Variants in WBP1L observed in about 807,000 individuals in gnomAD.
WBP1L encodes the protein WW domain binding protein 1 like, also known as WW domain binding protein 1-like.
A neutral mutation model predicts 33.7 loss-of-function variants in WBP1L; 17 were observed. That is an observed-to-expected ratio of 0.50 (90% CI 0.34 to 0.76). WBP1L has a LOEUF of 0.76. WBP1L is among the 30% of genes least tolerant of loss of function. The pLI is 0.01. For synonymous variants in WBP1L, 173 were observed against 190.8 expected (o/e 0.91, Z 0.77); for missense variants, 389 against 469.4 (o/e 0.83, Z 1.58).
intron 1 of WBP1L, among the ~76,000 whole-genome samples, chr10:102,787,341 A>G (rs1056858959): frequency 3.3e-5 from 5 of 152,168 alleles, no homozygotes; most frequent in Non-Finnish European, 7.4e-5. Flanking sequence ...AAATCCCAGC[A>G]CTGTTGGAGG....
At chr10:102,779,525 C>T (rs911430420) in intron 1 of WBP1L, among the ~76,000 whole-genome samples, 1 of 152,006 alleles carries the variant, frequency 6.6e-6, no homozygotes, top group Non-Finnish European at 1.5e-5. Flanking sequence ...TGATCTCAAA[C>T]TCCTGACCTC....
Position 102,787,149 on chromosome 10 carries a change from G to C in WBP1L, c.91-10844G>C, listed in dbSNP as rs535042661. Among the ~76,000 whole-genome samples, 137 of 152,338 alleles carry C rather than the reference G, an allele frequency of 9.0e-4. 1 individual carries two copies. The highest frequency in any genetic ancestry group is 3.2e-3 in the African/African-American group (131 of 41,578). ...CCATTGCATGCAAGACAAAGTCTTG[G>C]TTAACTTCTTAGCAGTGGCTTGCCC... is the stretch of plus-strand genomic sequence containing the variant. On this transcript the variant is annotated intron_variant, in intron 1 of 3. Coordinates refer to ENST00000448841, the MANE Select transcript of WBP1L (RefSeq NM_001083913.2).
chr10:102,805,339 A>T (rs1301709126), intron 2 of WBP1L, among the ~76,000 whole-genome samples: 1 of 152,136 alleles, frequency 6.6e-6, no homozygotes, highest in Non-Finnish European at 1.5e-5. Flanking sequence ...GATCATATAT[A>T]TTGCAGTATA....
intron 3 of WBP1L, among the ~76,000 whole-genome samples, chr10:102,810,516 T>A: frequency 9.2e-6 from 1 of 109,076 alleles, no homozygotes; most frequent in Admixed American, 9.6e-5. Context: ...CTTCCTTCCT[T>A]CCTTCCTTCC....
At chr10:102,754,759 C>T (rs1842955408) in intron 1 of WBP1L, among the ~76,000 whole-genome samples, 1 of 152,000 alleles carries the variant, frequency 6.6e-6, no homozygotes, top group Non-Finnish European at 1.5e-5. Flanking sequence ...GGCTGGAGTA[C>T]AGTGGCGCAA....
chr10:102,769,604 A>AG (rs1843160859), intron 1 of WBP1L, among the ~76,000 whole-genome samples: 1 of 152,172 alleles, frequency 6.6e-6, no homozygotes, highest in South Asian at 2.1e-4. Flanking sequence ...GTCACAAGTA[A>AG]GGGGGAAGTG....
intron 1 of WBP1L, among the ~76,000 whole-genome samples, chr10:102,790,523 T>C (rs1271688673): frequency 1.3e-5 from 2 of 152,118 alleles, no homozygotes; most frequent in African/African-American, 4.8e-5. Context: ...ATTTTTATTT[T>C]TATTTTTGAG....
intron 1 of WBP1L, among the ~76,000 whole-genome samples, chr10:102,797,096 G>GTTAT (rs1024390877): frequency 6.6e-6 from 1 of 152,172 alleles, no homozygotes; most frequent in Non-Finnish European, 1.5e-5. Flanking sequence ...ATTAGACTGG[G>GTTAT]TTATCTGAGC....
Position 102,812,890 on chromosome 10 carries a change from C to T in WBP1L, c.651C>T (p.Pro217=), listed in dbSNP as rs550297902. Residue 217 remains proline (P), a synonymous_variant, in exon 4 of 4, where the codon CCC becomes CCT. Transcript: ENST00000448841. The stretch of plus-strand genomic sequence containing the variant: ...CCACCAAAGCCCCAGGGATGGAGCC[C>T]AGTGGCTCTGTGGCTGGCCTGGGGG... ...RAATKAPGME[P]SGSVAGLGEL... 31 of 1,577,886 alleles carry T rather than the reference C, an allele frequency of 2.0e-5. No individual in the cohort carries two copies. In the Admixed American group the frequency reaches 3.7e-4, roughly 19 times the overall value.
chr10:102,781,616 A>T (rs1843337552), intron 1 of WBP1L, among the ~76,000 whole-genome samples: 1 of 151,944 alleles, frequency 6.6e-6, no homozygotes, highest in South Asian at 2.1e-4. Context: ...AGTTGCTGTT[A>T]CCCTCGGGCC....
intron 1 of WBP1L, among the ~76,000 whole-genome samples, chr10:102,756,561 T>C (rs959872481): frequency 5.3e-5 from 8 of 152,178 alleles, no homozygotes; most frequent in African/African-American, 1.7e-4. Flanking sequence ...TATACCGTGA[T>C]TTATTTAAAC....
chr10:102,746,861 T>C (rs1842869704), intron 1 of WBP1L, among the ~76,000 whole-genome samples: 2 of 152,168 alleles, frequency 1.3e-5, no homozygotes, highest in Non-Finnish European at 1.5e-5. Context: ...CAATCTTTTT[T>C]TTACATACAC....
At chr10:102,801,827 TTC>T (rs942220843) in intron 2 of WBP1L, among the ~76,000 whole-genome samples, 4 of 151,934 alleles carry the variant, frequency 2.6e-5, no homozygotes, top group Admixed American at 6.5e-5. Flanking sequence ...TCATTTTTTA[TTC>T]TCTCTCTTTT....
intron 2 of WBP1L, among the ~76,000 whole-genome samples, 171 bp from the exon 3 acceptor site, chr10:102,809,722 A>G (rs2134067972): frequency 6.6e-6 from 1 of 152,324 alleles, no homozygotes; most frequent in East Asian, 1.9e-4. Flanking sequence ...ACTCTGGCAC[A>G]AGCATTTATG....
chr10:102,775,117 CAAAAAAAAAAAA>C (rs59486422), intron 1 of WBP1L, among the ~76,000 whole-genome samples: 3 of 97,328 alleles, frequency 3.1e-5, no homozygotes, highest in Admixed American at 1.2e-4. Context: ...GACCCTATCT[CAAAAAAAAAAAA>C]AAAAAAAAAA....
chr10:102,757,568 C>CGT (rs1842990986), intron 1 of WBP1L, among the ~76,000 whole-genome samples: 1 of 80,078 alleles, frequency 1.2e-5, no homozygotes. Context: ...GGTTTCTGAG[C>CGT]CTTTTTTTTT....
In WBP1L at chr10:102,814,817, A is replaced by G. The variant is rs924874271; in HGVS notation, c.*1486A>G. The stretch of plus-strand genomic sequence containing the variant: ...TGCATATGAAGTCTTTCTTCCCCCA[A>G]CTCTTGAACGATGATGATATTCAGA... On this transcript the variant is annotated 3_prime_UTR_variant, in exon 4 of 4. Transcript: ENST00000448841. 1 of 152,264 alleles carries G rather than the reference A, an allele frequency of 6.6e-6. No individual in the cohort carries two copies. The highest frequency in any genetic ancestry group is 1.5e-5 in the Non-Finnish European group (1 of 67,950). 9.4% of individuals were successfully genotyped at this position (152,264 alleles called of 1,614,324 possible).
chr10:102,795,729 CTT>C (rs1445772520), intron 1 of WBP1L, among the ~76,000 whole-genome samples: 1 of 152,204 alleles, frequency 6.6e-6, no homozygotes, highest in Non-Finnish European at 1.5e-5. Context: ...TATGTGGACA[CTT>C]TGAACTGTGC....
chr10:102,772,558 CTTTTTTTTT>C (rs34624231), intron 1 of WBP1L, among the ~76,000 whole-genome samples: 4 of 64,742 alleles, frequency 6.2e-5, no homozygotes, highest in African/African-American at 1.7e-4. Flanking sequence ...ATGCCCGGCC[CTTTTTTTTT>C]TTTTTTTTTT....
Sources: allele counts gnomAD v4.1 joint callset (sites outside exome capture counted in the v4.1 genomes callset), GRCh38; gene constraint gnomAD v4.1.1; transcripts MANE v1.5; gene names NCBI Gene and HGNC (gene_info 2026-07-23, HGNC 2026-07-21).